The following CDK19 variants were observed in gnomAD, a reference collection of about 807,000 sequenced individuals.
CDK19 encodes the protein cyclin dependent kinase 19.
Under a neutral mutation model 68.3 loss-of-function variants are expected in CDK19, and 20 were observed. The ratio of observed to expected loss-of-function variants is 0.29; its 90% CI spans 0.21 to 0.43. The LOEUF is 0.43. Among genes scored for constraint, CDK19 ranks in the 20% least tolerant of loss-of-function variants. The pLI is 1.00. For missense variants in CDK19, 339 were observed against 623.5 expected, an observed-to-expected ratio of 0.54 and a Z score of 4.86; for synonymous variants, 221 against 222.8, an observed-to-expected ratio of 0.99 and a Z score of 0.07.
chr6:110,742,827 G>A (rs192638210), intron 2 of CDK19, among the ~76,000 whole-genome samples: 6 of 152,262 alleles, frequency 3.9e-5, no homozygotes, highest in African/African-American at 7.2e-5. Flanking sequence ...AAGACAATAC[G>A]TGCACAGCGG....
intron 6 of CDK19, among the ~76,000 whole-genome samples, chr6:110,630,352 G>A (rs1562137586): frequency 6.6e-6 from 1 of 152,146 alleles, no homozygotes; most frequent in Non-Finnish European, 1.5e-5. Context: ...TCATTAACCT[G>A]TTCTAAGGCA....
At chr6:110,794,386 C>T (rs549780677) in intron 1 of CDK19, among the ~76,000 whole-genome samples, 6 of 146,528 alleles carry the variant, frequency 4.1e-5, no homozygotes, top group African/African-American at 1.5e-4. Flanking sequence ...TTGCACTCTC[C>T]TCTCTCCAGT....
chr6:110,710,648 C>G (rs1467600303), intron 2 of CDK19, among the ~76,000 whole-genome samples: 1 of 152,226 alleles, frequency 6.6e-6, no homozygotes, highest in African/African-American at 2.4e-5. Context: ...CATCTTCTCA[C>G]TGTAACCTCA....
intron 3 of CDK19, among the ~76,000 whole-genome samples, chr6:110,669,871 T>C (rs1770852262): frequency 1.3e-5 from 2 of 152,138 alleles, no homozygotes; most frequent in South Asian, 4.1e-4. Context: ...AAAAGTATAG[T>C]CTCCCGCCAG....
chr6:110,723,040 A>G (rs1395348168), intron 2 of CDK19, among the ~76,000 whole-genome samples: 3 of 151,418 alleles, frequency 2.0e-5, no homozygotes, highest in African/African-American at 4.9e-5. Flanking sequence ...TCCCTCAGCA[A>G]GAGGTGAAGT....
intron 5 of CDK19, among the ~76,000 whole-genome samples, chr6:110,638,136 G>A (rs1207137212): frequency 6.6e-6 from 1 of 152,080 alleles, no homozygotes; most frequent in Non-Finnish European, 1.5e-5. Context: ...CTCAATCTAA[G>A]AGAGGCAGCT....
At chr6:110,652,484 C>G (rs1245284737) in intron 4 of CDK19, among the ~76,000 whole-genome samples, 1 of 152,160 alleles carries the variant, frequency 6.6e-6, no homozygotes, top group African/African-American at 2.4e-5. Flanking sequence ...GTAAAATTAT[C>G]AAATAAGCTA....
chr6:110,672,842 A>T (rs10457222), intron 2 of CDK19, among the ~76,000 whole-genome samples: 7,209 of 152,234 alleles, frequency 0.047, 177 homozygotes, highest in Middle Eastern at 0.078. Flanking sequence ...AGAAAAAAAT[A>T]AAAATAATAT....
At chr6:110,664,986 A>T (rs1781835590) in intron 4 of CDK19, among the ~76,000 whole-genome samples, 1 of 152,242 alleles carries the variant, frequency 6.6e-6, no homozygotes, top group South Asian at 2.1e-4. Flanking sequence ...TCAATAGTTC[A>T]GTAGTAAAGT....
chr6:110,771,570 G>A (rs1780016349), intron 1 of CDK19, among the ~76,000 whole-genome samples: 1 of 152,178 alleles, frequency 6.6e-6, no homozygotes, highest in Admixed American at 6.5e-5. Flanking sequence ...ATGCTCTGGA[G>A]ACACTTTCCC....
At chr6:110,744,132 G>A (rs182600431) in intron 2 of CDK19, among the ~76,000 whole-genome samples, 10 of 143,840 alleles carry the variant, frequency 7.0e-5, no homozygotes, top group Admixed American at 5.1e-4. Context: ...TCAGCCTCCC[G>A]AGTAACTGGG....
chr6:110,668,337 G>A (rs531199447), intron 3 of CDK19, among the ~76,000 whole-genome samples: 20 of 152,156 alleles, frequency 1.3e-4, no homozygotes, highest in Non-Finnish European at 1.6e-4. Flanking sequence ...TGTCAATAGC[G>A]CTCCAGTAAC....
chr6:110,623,956 T>C (rs1420049636), intron 8 of CDK19, among the ~76,000 whole-genome samples: 1 of 149,386 alleles, frequency 6.7e-6, no homozygotes, highest in East Asian at 1.9e-4. Context: ...TATATATATA[T>C]AGACAATCCA....
intron 2 of CDK19, among the ~76,000 whole-genome samples, chr6:110,744,459 G>A (rs953969422): frequency 6.6e-6 from 1 of 152,060 alleles, no homozygotes; most frequent in Non-Finnish European, 1.5e-5. Flanking sequence ...TTGAGGCCAG[G>A]GGTTCAAGGT....
rs771177041 is a variant in CDK19 at position 110,670,503 on chromosome 6, C to T, written c.243G>A (p.Leu81=). The part of the protein sequence containing the change: ...RELKHPNVIA[L]QKVFLSHSDR... ...CACTGTGAGAAAGGAACACCTTCTG[C>T]AATGCAATCACATTAGGGTGCTTCA... Residue 81 remains leucine (L), a synonymous_variant, in exon 3 of 13, where the codon TTG becomes TTA. Transcript: ENST00000368911. The T allele has an allele frequency of 6.2e-7, 1 of 1,613,030 alleles. No individual in the cohort carries two copies. The highest frequency in any genetic ancestry group is 1.1e-5 in the South Asian group (1 of 91,072).
intron 2 of CDK19, among the ~76,000 whole-genome samples, chr6:110,691,678 C>T (rs183312488): frequency 4.6e-4 from 69 of 150,738 alleles, no homozygotes; most frequent in Non-Finnish European, 9.7e-4. Context: ...GATGGAGTCT[C>T]GCTCTGTCGC....
At chr6:110,728,545 C>G (rs1040840891) in intron 2 of CDK19, among the ~76,000 whole-genome samples, 1 of 151,524 alleles carries the variant, frequency 6.6e-6, no homozygotes, top group African/African-American at 2.4e-5. Flanking sequence ...TCTTTACTCT[C>G]ATCTATTGAT....
At chr6:110,770,103 G>A (rs1271915048) in intron 1 of CDK19, among the ~76,000 whole-genome samples, 1 of 152,200 alleles carries the variant, frequency 6.6e-6, no homozygotes, top group Non-Finnish European at 1.5e-5. Context: ...AGGAGGAAGT[G>A]AAAGAATAGT....
Position 110,746,247 on chromosome 6 carries a change from G to A in CDK19, c.129-46C>T, listed in dbSNP as rs3014314. 2.6e-3 allele frequency: 3,072 copies of A among 1,166,982 alleles called. 50 individuals carry two copies. The African/African-American group carries it at 0.041, about 16-fold the overall frequency. The allele number at this position is 1,166,982 out of a possible 1,614,324, so 72.3% of individuals were successfully genotyped here. ...ATCATTTTTCCATATATCACTTTCA[G>A]ATTCAAAATTATAACTACAAAAACA... On this transcript the variant is annotated intron_variant, in intron 1 of 12. Coordinates refer to ENST00000368911, the MANE Select transcript of CDK19 (RefSeq NM_015076.5).
Sources: gnomAD v4.1 joint callset for allele counts (sites outside exome capture counted in the v4.1 genomes callset) on GRCh38, gnomAD v4.1.1 for gene constraint, MANE v1.5 for transcripts, NCBI Gene and HGNC (gene_info 2026-07-23, HGNC 2026-07-21) for gene names.